Variants in PLCB1 observed in about 807,000 individuals in gnomAD.
The protein encoded by PLCB1 is phospholipase C beta 1, also known as 1-phosphatidylinositol 4,5-bisphosphate phosphodiesterase beta-1.
A neutral mutation model predicts 161.8 loss-of-function variants in PLCB1; 46 were observed. The ratio of observed to expected loss-of-function variants is 0.28; its 90% CI spans 0.22 to 0.36. The LOEUF (loss-of-function observed/expected upper bound fraction) is 0.36, where lower values mean the gene tolerates loss of function less well. PLCB1 is among the 10% of genes least tolerant of loss of function. PLCB1 has a pLI of 1.00. For synonymous variants in PLCB1, 517 were observed against 503.7 expected (o/e 1.03, Z -0.35); for missense variants, 1,016 against 1,472.5 (o/e 0.69, Z 5.07).
intron 2 of PLCB1, among the ~76,000 whole-genome samples, chr20:8,365,269 C>G (rs1296136645): frequency 6.6e-6 from 1 of 152,196 alleles, no homozygotes; most frequent in Non-Finnish European, 1.5e-5. Context: ...GAAGAACTTA[C>G]ATTTTCTGCC....
chr20:8,644,025 A>G (rs1989052769), intron 4 of PLCB1, among the ~76,000 whole-genome samples: 3 of 152,300 alleles, frequency 2.0e-5, no homozygotes, highest in African/African-American at 7.2e-5. Context: ...TCCAGCTCCT[A>G]GCCGCGAGTG....
chr20:8,656,242 A>G (rs73598296), intron 7 of PLCB1, among the ~76,000 whole-genome samples: 5,162 of 152,116 alleles, frequency 0.034, 167 homozygotes, highest in East Asian at 0.16. Flanking sequence ...CATTCATTCA[A>G]TCCACAAATA....
chr20:8,508,290 A>G (rs1022274706), intron 3 of PLCB1, among the ~76,000 whole-genome samples: 2 of 152,188 alleles, frequency 1.3e-5, no homozygotes, highest in African/African-American at 4.8e-5. Context: ...AATCCAACTC[A>G]AGCATCAGCA....
intron 12 of PLCB1, among the ~76,000 whole-genome samples, chr20:8,710,619 A>G (rs1978955579): frequency 6.7e-6 from 1 of 148,190 alleles, no homozygotes; most frequent in South Asian, 2.1e-4. Context: ...AGTTCAAGCA[A>G]TTCTCCTGCC....
Position 8,267,374 on chromosome 20 carries a change from C to T in PLCB1, c.178-104008C>T, listed in dbSNP as rs565618849. ...GGTAGCCTGTCTGACACAGTGCAAA[C>T]ATCCCAACCAGTTTTCCTCAAGATG... On this transcript the variant is annotated intron_variant, in intron 2 of 31. Coordinates refer to ENST00000338037, the MANE Select transcript of PLCB1 (RefSeq NM_015192.4). Among the ~76,000 whole-genome samples, 4 of 152,278 alleles carry T rather than the reference C, an allele frequency of 2.6e-5. No individual in the cohort carries two copies. The South Asian group carries it at 8.3e-4, about 32-fold the overall frequency.
intron 27 of PLCB1, among the ~76,000 whole-genome samples, chr20:8,785,713 G>A (rs956093538): frequency 3.3e-5 from 5 of 152,084 alleles, no homozygotes; most frequent in African/African-American, 1.2e-4. Flanking sequence ...GAACTGAGTG[G>A]GCAGAAGGTC....
intron 3 of PLCB1, among the ~76,000 whole-genome samples, chr20:8,533,071 T>A (rs1056042625): frequency 8.2e-5 from 12 of 146,412 alleles, no homozygotes; most frequent in Admixed American, 1.4e-4. Context: ...TGTCCATGTG[T>A]TCTCATTGTT....
chr20:8,302,869 C>A (rs1481653392), intron 2 of PLCB1, among the ~76,000 whole-genome samples: 1 of 152,002 alleles, frequency 6.6e-6, no homozygotes, highest in African/African-American at 2.4e-5. Flanking sequence ...TATTATACCA[C>A]AATATAACAT....
At chr20:8,774,778 T>C (rs1982865080) in intron 27 of PLCB1, 59 bp downstream of exon 27, 2 of 1,394,684 alleles carry the variant, frequency 1.4e-6, no homozygotes, top group African/African-American at 1.4e-5. Context: ...TAGGAAACTT[T>C]GGATACTTTT....
chr20:8,270,995 C>A (rs922952848), intron 2 of PLCB1, among the ~76,000 whole-genome samples: 1 of 152,110 alleles, frequency 6.6e-6, no homozygotes, highest in African/African-American at 2.4e-5. Context: ...CAGTTACCAA[C>A]CCCCGTGCTG....
intron 23 of PLCB1, among the ~76,000 whole-genome samples, chr20:8,750,453 C>T (rs977411301): frequency 2.0e-5 from 3 of 152,156 alleles, no homozygotes; most frequent in African/African-American, 7.2e-5. Context: ...CAAGGAACAC[C>T]TATATATCAG....
chr20:8,777,274 G>A (rs760326052), intron 27 of PLCB1, among the ~76,000 whole-genome samples: 14 of 152,086 alleles, frequency 9.2e-5, no homozygotes, highest in South Asian at 8.3e-4. Context: ...GGACCACTCC[G>A]GGGCTGTGCT....
chr20:8,387,977 T>TTTA (rs1555802978), intron 3 of PLCB1, among the ~76,000 whole-genome samples: 90 of 126,776 alleles, frequency 7.1e-4, no homozygotes, highest in African/African-American at 2.2e-3. Flanking sequence ...CCACTTTTTT[T>TTTA]AAAAAAAAAA....
intron 2 of PLCB1, among the ~76,000 whole-genome samples, chr20:8,229,605 C>T (rs1156303568): frequency 1.3e-5 from 2 of 152,164 alleles, no homozygotes; most frequent in African/African-American, 4.8e-5. Context: ...TTGGACATCA[C>T]AGATATGGAA....
chr20:8,811,487 T>C (rs1057134911), intron 31 of PLCB1, among the ~76,000 whole-genome samples: 12 of 152,322 alleles, frequency 7.9e-5, no homozygotes, highest in African/African-American at 2.9e-4. Flanking sequence ...TATTGAGTTG[T>C]GCAGATCAAC....
At chr20:8,426,298 A>G (rs934394366) in intron 3 of PLCB1, among the ~76,000 whole-genome samples, 14 of 152,146 alleles carry the variant, frequency 9.2e-5, no homozygotes, top group African/African-American at 2.7e-4. Context: ...AAAAAGTTCT[A>G]TTTCTTTTCC....
chr20:8,207,952 C>T (rs1978619927), intron 2 of PLCB1, among the ~76,000 whole-genome samples: 1 of 152,092 alleles, frequency 6.6e-6, no homozygotes, highest in Admixed American at 6.6e-5. Context: ...TTTTCAGGTG[C>T]TAACCTAGAG....
At chr20:8,620,699 A>G (rs1223587253) in intron 3 of PLCB1, among the ~76,000 whole-genome samples, 1 of 146,060 alleles carries the variant, frequency 6.8e-6, no homozygotes, top group Non-Finnish European at 1.5e-5. Context: ...AGATTGCACC[A>G]CTGCACTCCA....
intron 9 of PLCB1, among the ~76,000 whole-genome samples, chr20:8,682,995 A>G (rs1398657322): frequency 1.3e-5 from 2 of 152,136 alleles, no homozygotes; most frequent in Admixed American, 6.5e-5. Flanking sequence ...TTAATGATCA[A>G]TGATAATAGA....
Sources: allele counts gnomAD v4.1 joint callset (sites outside exome capture counted in the v4.1 genomes callset), GRCh38; gene constraint gnomAD v4.1.1; transcripts MANE v1.5; gene names NCBI Gene and HGNC (gene_info 2026-07-23, HGNC 2026-07-21).